Variants in USH2A observed in about 807,000 individuals in gnomAD.
The protein encoded by USH2A is usherin, also known as Usher syndrome 2A (autosomal recessive, mild).
In USH2A, 443 loss-of-function variants were observed where a neutral mutation model predicts 538.9. The ratio of observed to expected loss-of-function variants is 0.82; its 90% CI spans 0.76 to 0.89. The LOEUF is 0.89. USH2A is among the 40% of genes least tolerant of loss of function. USH2A has a pLI of 0.00. For missense variants in USH2A, 6,633 were observed against 6,324.8 expected (o/e 1.05, Z -1.65); for synonymous variants, 2,413 against 2,273.5 (o/e 1.06, Z -1.75).
intron 35 of USH2A, among the ~76,000 whole-genome samples, chr1:215,971,082 G>T (rs1303881563): frequency 6.6e-6 from 1 of 152,116 alleles, no homozygotes; most frequent in Non-Finnish European, 1.5e-5. Flanking sequence ...ATTAATAAGT[G>T]AAGCATACTT....
chr1:215,891,298 C>T (rs965166575), intron 40 of USH2A, among the ~76,000 whole-genome samples: 6 of 152,166 alleles, frequency 3.9e-5, no homozygotes, highest in South Asian at 2.1e-4. Flanking sequence ...TGAGTAGATT[C>T]GCTGCTCTTG....
chr1:216,205,776 T>A (rs1317167969), intron 16 of USH2A, among the ~76,000 whole-genome samples: 1 of 152,172 alleles, frequency 6.6e-6, no homozygotes, highest in Non-Finnish European at 1.5e-5. Flanking sequence ...TTTCTTAAAC[T>A]AGTGTGTAGC....
At chr1:215,800,487 G>C (rs1188247287) in intron 49 of USH2A, among the ~76,000 whole-genome samples, 1 of 152,094 alleles carries the variant, frequency 6.6e-6, no homozygotes, top group Non-Finnish European at 1.5e-5. Context: ...TTAATGACTT[G>C]TCAAGCTTTC....
At chr1:215,954,355 A>G (rs1016617658) in intron 37 of USH2A, among the ~76,000 whole-genome samples, 2 of 152,100 alleles carry the variant, frequency 1.3e-5, no homozygotes, top group Non-Finnish European at 2.9e-5. Context: ...AAAGTGTGGC[A>G]CAAATACACC....
chr1:216,097,819 C>T (rs1472197929), intron 21 of USH2A, among the ~76,000 whole-genome samples: 1 of 152,158 alleles, frequency 6.6e-6, no homozygotes, highest in Non-Finnish European at 1.5e-5. Flanking sequence ...ATTTCCACAG[C>T]TTAGGAAGCA....
intron 41 of USH2A, chr1:215,886,571 A>G (rs1558145162): frequency 6.6e-6 from 1 of 152,194 alleles, no homozygotes; most frequent in Non-Finnish European, 1.5e-5. Flanking sequence ...TACCATGTTC[A>G]TATATTTCAG....
chr1:216,111,088 C>T (rs1191575999), intron 21 of USH2A, among the ~76,000 whole-genome samples: 3 of 151,886 alleles, frequency 2.0e-5, no homozygotes, highest in Non-Finnish European at 4.4e-5. Context: ...TAGTTGGGCT[C>T]GTTGGCACAC....
intron 49 of USH2A, among the ~76,000 whole-genome samples, chr1:215,804,772 T>C (rs1037899462): frequency 6.6e-6 from 1 of 152,122 alleles, no homozygotes; most frequent in African/African-American, 2.4e-5. Context: ...GACCCAGCCA[T>C]CCCATTACTG....
intron 21 of USH2A, among the ~76,000 whole-genome samples, chr1:216,162,700 T>C (rs2034082973): frequency 1.3e-5 from 2 of 152,034 alleles, no homozygotes; most frequent in Admixed American, 1.3e-4. Context: ...AATTTACTCA[T>C]AAAGGACGGA....
chr1:215,896,457 G>A (rs1055780335), intron 40 of USH2A, among the ~76,000 whole-genome samples: 4 of 152,022 alleles, frequency 2.6e-5, no homozygotes, highest in Admixed American at 1.3e-4. Flanking sequence ...GAAATCTTAA[G>A]AGAAACAGAT....
chr1:216,020,531 C>T (rs1668822655), intron 32 of USH2A, among the ~76,000 whole-genome samples: 1 of 152,146 alleles, frequency 6.6e-6, no homozygotes, highest in Non-Finnish European at 1.5e-5. Context: ...TGGCACAGAA[C>T]TCTTAAAATC....
At chr1:215,648,496 T>C in intron 66 of USH2A, 32 bp downstream of exon 66, 1 of 1,605,980 alleles carries the variant, frequency 6.2e-7, no homozygotes, top group Non-Finnish European at 8.5e-7. Flanking sequence ...CATGCCTTGT[T>C]AGTTTCTTCA....
At chr1:216,343,525 T>TA (rs11370265) in intron 4 of USH2A, among the ~76,000 whole-genome samples, 24,965 of 135,264 alleles carry the variant, frequency 0.18, 2,307 homozygotes, top group Middle Eastern at 0.27. Flanking sequence ...TACTACATCT[T>TA]AAAAAAAAAA....
intron 44 of USH2A, among the ~76,000 whole-genome samples, chr1:215,849,013 G>T (rs552571089): frequency 6.6e-6 from 1 of 152,280 alleles, no homozygotes; most frequent in South Asian, 2.1e-4. Flanking sequence ...TCTGAGAGAG[G>T]AAGGCTATTA....
intron 60 of USH2A, among the ~76,000 whole-genome samples, chr1:215,736,362 T>A (rs140607297): frequency 1.3e-5 from 2 of 152,104 alleles, no homozygotes; most frequent in Non-Finnish European, 2.9e-5. Flanking sequence ...CTTGTTAAAA[T>A]CCCTATTTAC....
intron 37 of USH2A, among the ~76,000 whole-genome samples, chr1:215,951,820 G>T (rs889187603): frequency 6.6e-6 from 1 of 151,776 alleles, no homozygotes. Context: ...GGCCTTCTTT[G>T]TCTCTTTTGA....
chr1:216,319,749 C>A (rs1052579448), intron 9 of USH2A, among the ~76,000 whole-genome samples: 2 of 152,284 alleles, frequency 1.3e-5, no homozygotes, highest in Middle Eastern at 3.4e-3. Context: ...AGATAATATT[C>A]TTACCATTGA....
At chr1:216,101,679 C>T (rs750364821) in intron 21 of USH2A, among the ~76,000 whole-genome samples, 5 of 152,334 alleles carry the variant, frequency 3.3e-5, no homozygotes, top group Non-Finnish European at 5.9e-5. Flanking sequence ...TTATACTTTT[C>T]TCACTTTCTG....
intron 30 of USH2A, among the ~76,000 whole-genome samples, chr1:216,050,619 TTTTG>T (rs2102528762): frequency 7.2e-6 from 1 of 138,416 alleles, no homozygotes; most frequent in African/African-American, 2.6e-5. Flanking sequence ...TTTTTTTTTT[TTTTG>T]AGACAGAGTC....
Sources: allele counts gnomAD v4.1 joint callset (sites outside exome capture counted in the v4.1 genomes callset), GRCh38; gene constraint gnomAD v4.1.1; transcripts MANE v1.5; gene names NCBI Gene and HGNC (gene_info 2026-07-23, HGNC 2026-07-21).